HLCS: variants seen among roughly 807,000 people sequenced by gnomAD.
HLCS encodes the protein biotin--protein ligase.
In HLCS, 53 loss-of-function variants were observed where a neutral mutation model predicts 75.0. The observed-to-expected ratio is 0.71, with a 90% confidence interval of 0.57 to 0.89. The LOEUF (loss-of-function observed/expected upper bound fraction) is 0.89. Ranked by LOEUF, HLCS falls within the 40% of genes least tolerant of loss-of-function variation. The pLI, the probability that HLCS is intolerant of heterozygous loss-of-function variation, is 0.00. For missense variants in HLCS, 966 were observed against 1,074.0 expected (o/e 0.90, Z 1.41); for synonymous variants, 431 against 428.6 (o/e 1.01, Z -0.07).
At chr21:36,940,375 C>T (rs1368044108) in intron 2 of HLCS, among the ~76,000 whole-genome samples, 1 of 152,014 alleles carries the variant, frequency 6.6e-6, no homozygotes, top group Non-Finnish European at 1.5e-5. Context: ...TGAGTACTCG[C>T]TCTATCACCC....
At chr21:36,827,724 C>T (rs563386427) in intron 6 of HLCS, among the ~76,000 whole-genome samples, 141 of 152,032 alleles carry the variant, frequency 9.3e-4, no homozygotes, top group African/African-American at 3.4e-3. Flanking sequence ...TTGAAGAAAC[C>T]TTGGTGACCT....
intron 6 of HLCS, among the ~76,000 whole-genome samples, chr21:36,823,283 T>G (rs1291342732): frequency 6.6e-6 from 1 of 152,144 alleles, no homozygotes; most frequent in Non-Finnish European, 1.5e-5. Flanking sequence ...GTCTAAGAGG[T>G]GACAGTCATC....
intron 6 of HLCS, among the ~76,000 whole-genome samples, chr21:36,830,143 C>T (rs1368318052): frequency 3.3e-5 from 5 of 152,064 alleles, no homozygotes; most frequent in Admixed American, 6.6e-5. Context: ...CACAGGGAGA[C>T]GACAGCCTCT....
chr21:36,838,648 G>A (rs530004554), intron 6 of HLCS, among the ~76,000 whole-genome samples: 3 of 151,420 alleles, frequency 2.0e-5, no homozygotes, highest in South Asian at 4.2e-4. Flanking sequence ...AGCTTGCAGT[G>A]AGCCAAGATC....
rs936974523 is a variant in HLCS at position 36,862,716 on chromosome 21, G to A, written c.1892+34144C>T. 3.3e-5 allele frequency among the ~76,000 whole-genome samples: 5 copies of A among 152,046 alleles called. No individual in the cohort carries two copies. The East Asian group carries it at 5.8e-4, about 18-fold the overall frequency. On this transcript the variant is annotated intron_variant, in intron 6 of 10. Transcript: ENST00000674895. The stretch of plus-strand genomic sequence containing the variant: ...CGCCTGTCTTTCAGCTCCTACAGTC[G>A]GGGCCTGGGCCACCATCGCTGCTCT...
chr21:36,780,925 T>C (rs1257107781), intron 6 of HLCS, among the ~76,000 whole-genome samples: 1 of 149,120 alleles, frequency 6.7e-6, no homozygotes, highest in African/African-American at 2.5e-5. Flanking sequence ...AGTCCCCAGC[T>C]CTGCCCCACC....
intron 6 of HLCS, among the ~76,000 whole-genome samples, chr21:36,862,495 T>A (rs2063413328): frequency 6.6e-6 from 1 of 152,220 alleles, no homozygotes; most frequent in South Asian, 2.1e-4. Flanking sequence ...AGGTGGTATC[T>A]CATTGTGGTT....
intron 6 of HLCS, among the ~76,000 whole-genome samples, chr21:36,860,310 C>T (rs367911690): frequency 2.0e-5 from 3 of 151,788 alleles, no homozygotes; most frequent in East Asian, 3.9e-4. Context: ...TGATCAGACT[C>T]CAAAGCCATG....
At chr21:36,892,022 GT>G (rs1309409573) in intron 6 of HLCS, among the ~76,000 whole-genome samples, 7 of 152,144 alleles carry the variant, frequency 4.6e-5, no homozygotes, top group Admixed American at 2.6e-4. Flanking sequence ...AAAGACCAGA[GT>G]TTTTAGGCTG....
intron 5 of HLCS, among the ~76,000 whole-genome samples, chr21:36,922,221 A>G (rs1170892466): frequency 2.0e-5 from 3 of 152,166 alleles, no homozygotes; most frequent in Admixed American, 1.3e-4. Context: ...TTTAACTCCA[A>G]TATCTCCTTT....
At chr21:36,843,210 A>G (rs1161761110) in intron 6 of HLCS, among the ~76,000 whole-genome samples, 1 of 152,256 alleles carries the variant, frequency 6.6e-6, no homozygotes, top group East Asian at 1.9e-4. Context: ...AGGCCAATGT[A>G]GGAGGATAGC....
intron 6 of HLCS, among the ~76,000 whole-genome samples, chr21:36,812,388 T>C (rs2061539171): frequency 6.6e-6 from 1 of 152,216 alleles, no homozygotes; most frequent in African/African-American, 2.4e-5. Context: ...ATCCTTTCTG[T>C]CACTTACGGT....
intron 6 of HLCS, among the ~76,000 whole-genome samples, chr21:36,871,170 T>C (rs902239897): frequency 1.3e-5 from 2 of 152,172 alleles, no homozygotes; most frequent in African/African-American, 4.8e-5. Flanking sequence ...ATGAAAACTT[T>C]ATGTGCATAC....
chr21:36,942,945 G>C (rs2067217935), intron 2 of HLCS, among the ~76,000 whole-genome samples: 1 of 151,548 alleles, frequency 6.6e-6, no homozygotes, highest in Admixed American at 6.6e-5. Flanking sequence ...AAAAAAGAAA[G>C]AAAAGAAAAT....
intron 6 of HLCS, among the ~76,000 whole-genome samples, chr21:36,808,813 C>T (rs1204017146): frequency 6.6e-6 from 1 of 152,208 alleles, no homozygotes; most frequent in Non-Finnish European, 1.5e-5. Context: ...GAAGTTCCTG[C>T]AGCATTTCTT....
intron 9 of HLCS, chr21:36,759,132 T>C: frequency 2.1e-6 from 1 of 471,208 alleles, no homozygotes; most frequent in Non-Finnish European, 4.4e-6. Flanking sequence ...TTTTGACCAT[T>C]GCTGGTTTCT....
intron 6 of HLCS, among the ~76,000 whole-genome samples, chr21:36,846,407 A>G (rs1329749312): frequency 6.6e-6 from 1 of 152,154 alleles, no homozygotes; most frequent in Non-Finnish European, 1.5e-5. Context: ...ACCTCCACCA[A>G]GACATTTCCA....
chr21:36,840,495 TAATA>T (rs2146092749), intron 6 of HLCS, among the ~76,000 whole-genome samples: 1 of 152,300 alleles, frequency 6.6e-6, no homozygotes, highest in African/African-American at 2.4e-5. Context: ...GCCACAAAAA[TAATA>T]AATGTCTCCC....
At chr21:36,966,858 A>T (rs1284110018), upstream of HLCS, among the ~76,000 whole-genome samples, 2 of 125,138 alleles carry the variant, frequency 1.6e-5, no homozygotes, top group Non-Finnish European at 3.3e-5. Context: ...TGTGATGGGG[A>T]GCTCCGGAGG....
Sources: gnomAD v4.1 joint callset for allele counts (sites outside exome capture counted in the v4.1 genomes callset) on GRCh38, gnomAD v4.1.1 for gene constraint, MANE v1.5 for transcripts, NCBI Gene and HGNC (gene_info 2026-07-23, HGNC 2026-07-21) for gene names.